MYPN: variants seen among roughly 807,000 people sequenced by gnomAD.
MYPN encodes myopalladin.
MYPN carries 63 observed loss-of-function variants against 129.4 expected under a neutral mutation model. The ratio of observed to expected loss-of-function variants is 0.49; its 90% CI spans 0.40 to 0.60. MYPN has a LOEUF of 0.60. Among genes scored for constraint, MYPN ranks in the 20% least tolerant of loss-of-function variants. MYPN has a pLI of 0.00. For synonymous variants in MYPN, 629 were observed against 600.9 expected (o/e 1.05, Z -0.68); for missense variants, 1,596 against 1,635.4 (o/e 0.98, Z 0.42).
chr10:68,105,905 T>C (rs2042007989), upstream of MYPN, among the ~76,000 whole-genome samples: 1 of 152,260 alleles, frequency 6.6e-6, no homozygotes, highest in African/African-American at 2.4e-5. Flanking sequence ...AGAAAGCCTA[T>C]TTCCTTAGTC....
At chr10:68,119,706 C>T (rs183359512) in intron 1 of MYPN, among the ~76,000 whole-genome samples, 4 of 152,310 alleles carry the variant, frequency 2.6e-5, no homozygotes, top group South Asian at 2.1e-4. Flanking sequence ...GCCGCTGTGC[C>T]CTGTCACCTT....
intron 4 of MYPN, among the ~76,000 whole-genome samples, chr10:68,147,555 C>T (rs79705245): frequency 0.057 from 8,638 of 152,266 alleles, 589 homozygotes; most frequent in African/African-American, 0.16. Context: ...AGTCATCTAT[C>T]CATGGGTTAC....
intron 11 of MYPN, 96 bp from the exon 12 acceptor site, chr10:68,175,227 G>C: frequency 7.5e-7 from 1 of 1,335,370 alleles, no homozygotes; most frequent in Non-Finnish European, 1.1e-6. Context: ...AATGACCGCT[G>C]GTTTCTGGTT....
intron 12 of MYPN, among the ~76,000 whole-genome samples, 164 bp downstream of exon 12, chr10:68,175,625 T>C (rs556137234): frequency 3.3e-5 from 5 of 152,316 alleles, no homozygotes; most frequent in Admixed American, 2.0e-4. Flanking sequence ...CCTGCCTGTG[T>C]GGATCTGCGG....
intron 1 of MYPN, among the ~76,000 whole-genome samples, chr10:68,091,625 GC>G (rs1409330914): frequency 5.3e-5 from 8 of 151,482 alleles, no homozygotes; most frequent in Non-Finnish European, 1.2e-4. Flanking sequence ...GAACTCCGGG[GC>G]TCAAGTGATC....
Position 68,137,091 on chromosome 10 carries a change from AT to A in MYPN, c.903-5844del, listed in dbSNP as rs199617792. ...AAAAGATTTTAAATATTGTTTATTCATTTTTAAGTAGTAATAATAAACATGT... is the reference window on the plus strand; with the variant it reads ...AAAAGATTTTAAATATTGTTTATTCATTTTAAGTAGTAATAATAAACATGT... On this transcript the variant is annotated intron_variant, in intron 2 of 19. Coordinates refer to ENST00000358913, the MANE Select transcript of MYPN (RefSeq NM_032578.4). Among the ~76,000 whole-genome samples the A allele has an allele frequency of 3.6e-3, 545 of 152,264 alleles. 9 individuals are homozygous for A. The highest frequency in any genetic ancestry group is 0.012 in the African/African-American group (518 of 41,570).
At chr10:68,144,542 C>T (rs1267616758) in intron 3 of MYPN, among the ~76,000 whole-genome samples, 2 of 152,108 alleles carry the variant, frequency 1.3e-5, no homozygotes, top group Non-Finnish European at 2.9e-5. Context: ...CCAATAAATG[C>T]CTCCAGATTT....
rs1269532119 is a variant in MYPN, at chr10:68,207,733, A to G, written c.3793+830A>G. ...CTCTCTCGTCCAAAGGCGGGATTCAAAGTGATACCTTTAAATCTCCCAGAC... is the reference window on the plus strand; with the variant it reads ...CTCTCTCGTCCAAAGGCGGGATTCAGAGTGATACCTTTAAATCTCCCAGAC... On this transcript the variant is annotated intron_variant, in intron 19 of 19. Transcript: ENST00000358913. Among the ~76,000 whole-genome samples, 3 of 152,218 alleles carry G rather than the reference A, an allele frequency of 2.0e-5. No homozygotes were observed. The South Asian group carries it at 6.2e-4, about 31-fold the overall frequency.
At chr10:68,161,927 C>A in intron 8 of MYPN, 175 bp downstream of exon 8, 1 of 505,598 alleles carries the variant, frequency 2.0e-6, no homozygotes, top group Admixed American at 3.5e-5. Flanking sequence ...CTTTGCGAGG[C>A]CGAGGCGGGC....
At chr10:68,184,780 C>A (rs1222583933) in intron 12 of MYPN, among the ~76,000 whole-genome samples, 2 of 152,084 alleles carry the variant, frequency 1.3e-5, no homozygotes, top group Non-Finnish European at 2.9e-5. Context: ...TTGGAGCTTT[C>A]TCTTCTGACT....
chr10:68,166,717 A>C, intron 10 of MYPN, 51 bp downstream of exon 10: 1 of 1,606,172 alleles, frequency 6.2e-7, no homozygotes, highest in Non-Finnish European at 8.5e-7. Context: ...TCTTTTCTTG[A>C]ATCTGATCTC....
At chr10:68,148,273 GC>G in intron 4 of MYPN, 79 bp from the exon 5 acceptor site, 1 of 1,115,156 alleles carries the variant, frequency 9.0e-7, no homozygotes, top group Non-Finnish European at 1.3e-6. Flanking sequence ...AAGCAGTGAT[GC>G]CATTACTAGT....
intron 10 of MYPN, 88 bp from the exon 11 acceptor site, chr10:68,173,978 T>C (rs1198969071): frequency 2.6e-6 from 3 of 1,140,038 alleles, no homozygotes; most frequent in Non-Finnish European, 4.0e-6. Flanking sequence ...ATCATCAAGT[T>C]ATAAACAGTC....
chr10:68,200,034 G>A (rs560572824), intron 17 of MYPN, among the ~76,000 whole-genome samples: 2 of 152,244 alleles, frequency 1.3e-5, no homozygotes, highest in Admixed American at 6.5e-5. Flanking sequence ...TCACCACCAG[G>A]TACAGTGGAT....
At chr10:68,178,273 C>A (rs2043259195) in intron 12 of MYPN, among the ~76,000 whole-genome samples, 1 of 152,126 alleles carries the variant, frequency 6.6e-6, no homozygotes. Context: ...TGGGGATGAG[C>A]CAAGAGAAAG....
In MYPN at chr10:68,199,381, C is replaced by T. The variant is rs1462281308; in HGVS notation, c.3299C>T (p.Pro1100Leu). The T allele has an allele frequency of 5.0e-6, 8 of 1,613,754 alleles. No homozygotes were observed. Among genetic ancestry groups the T allele is most frequent in the East Asian group, 2.2e-5 (1 of 44,876 alleles). Residue 1100 changes from proline (P) to leucine (L), a missense_variant, in exon 17 of 20, where the codon CCG becomes CTG. By Grantham distance (98) the Pro-to-Leu change is moderately conservative (BLOSUM62 -3). Transcript: ENST00000358913. The stretch of plus-strand genomic sequence containing the variant: ...GTTGTTTATTAGGTGAGTGGTTTAC[C>T]GCCCCCGGAGCTGACATGGCTACTC... The part of the protein sequence containing the change: ...CRLDCKVSGL[P>L]PPELTWLLNG...
chr10:68,206,875 G>A lies in MYPN; in HGVS notation c.3765G>A (p.Val1255=). The A allele has an allele frequency of 6.2e-7, 1 of 1,614,190 alleles. No individual in the cohort carries two copies. Among genetic ancestry groups the A allele is most frequent in the Non-Finnish European group, 8.5e-7 (1 of 1,180,040 alleles). ...CAGCCAAGAATGAAGCCGGCATCGT[G>A]TCGTGCACTGCCAGGCTGGATATAT... is the stretch of plus-strand genomic sequence containing the variant. ...TLSAKNEAGI[V]SCTARLDIYA... is the part of the protein sequence containing the mutation. The change falls in exon 19 of 20, where the codon GTG becomes GTA. Residue 1255 remains valine, a synonymous_variant. Transcript: ENST00000358913.
At chr10:68,121,075 T>C (rs1442465426) in intron 1 of MYPN, among the ~76,000 whole-genome samples, 1 of 152,138 alleles carries the variant, frequency 6.6e-6, no homozygotes, top group Non-Finnish European at 1.5e-5. Flanking sequence ...GCCCAGGAGC[T>C]CGAGACCAGC....
At position 68,211,577 on chromosome 10, in the gene MYPN, C is replaced by G. The variant is rs746838400; in HGVS notation, c.*1122C>G. ...AGAAAGGGGAATATGCATCTTTATTCTAATCACCAATTCAAACCCTGCCTC... is the reference window on the plus strand; with the variant it reads ...AGAAAGGGGAATATGCATCTTTATTGTAATCACCAATTCAAACCCTGCCTC... On this transcript the variant is annotated 3_prime_UTR_variant, in exon 20 of 20. Coordinates refer to ENST00000358913, the MANE Select transcript of MYPN (RefSeq NM_032578.4). 2.2e-6 allele frequency: 1 copy of G among 453,964 alleles called. No individual in the cohort carries two copies. The highest frequency in any genetic ancestry group is 1.6e-5 in the South Asian group (1 of 64,468). 28.1% of individuals were successfully genotyped at this position (453,964 alleles called of 1,614,324 possible).
Sources: gnomAD v4.1 joint callset for allele counts (sites outside exome capture counted in the v4.1 genomes callset) on GRCh38, gnomAD v4.1.1 for gene constraint, MANE v1.5 for transcripts, NCBI Gene and HGNC (gene_info 2026-07-23, HGNC 2026-07-21) for gene names.